The following RPS6KC1 variants were observed in gnomAD, a reference collection of about 807,000 sequenced individuals.
RPS6KC1 encodes inactive ribosomal protein S6 kinase delta-1.
RPS6KC1 carries 54 observed loss-of-function variants against 103.8 expected under a neutral mutation model. The ratio of observed to expected loss-of-function variants is 0.52; its 90% CI spans 0.42 to 0.65. The LOEUF is 0.65. RPS6KC1 is among the 30% of genes least tolerant of loss of function. RPS6KC1 has a pLI of 0.00. For synonymous variants in RPS6KC1, 439 were observed against 438.7 expected (o/e 1.00, Z -0.01); for missense variants, 1,151 against 1,253.8 (o/e 0.92, Z 1.24).
chr1:213,349,602 C>G, the RPS6KC1 span, among the ~76,000 whole-genome samples: 1 of 152,188 alleles, frequency 6.6e-6, no homozygotes, highest in African/African-American at 2.4e-5. Flanking sequence ...GATGGGCAAA[C>G]AGGTCTTGAA....
the RPS6KC1 span, among the ~76,000 whole-genome samples, chr1:213,355,352 C>T: frequency 6.6e-6 from 1 of 152,082 alleles, no homozygotes; most frequent in African/African-American, 2.4e-5. Flanking sequence ...CTGGAAGGGC[C>T]CATTCTTGCT....
intron 6 of RPS6KC1, among the ~76,000 whole-genome samples, chr1:213,151,029 G>C (rs2088714047): frequency 6.7e-6 from 1 of 148,414 alleles, no homozygotes. Context: ...CGGGGCAGCT[G>C]GCCGGGCAGA....
the RPS6KC1 span, among the ~76,000 whole-genome samples, chr1:213,544,725 C>A: frequency 1.3e-5 from 2 of 152,212 alleles, no homozygotes; most frequent in Non-Finnish European, 2.9e-5. Flanking sequence ...TCCTGACCTG[C>A]CACTTCTGCA....
At chr1:213,573,193 C>T in the RPS6KC1 span, among the ~76,000 whole-genome samples, 1 of 152,196 alleles carries the variant, frequency 6.6e-6, no homozygotes, top group South Asian at 2.1e-4. Flanking sequence ...AGAAACAGAC[C>T]TTTCTTTCCC....
At chr1:213,134,159 T>C (rs975436374) in intron 6 of RPS6KC1, among the ~76,000 whole-genome samples, 1 of 152,156 alleles carries the variant, frequency 6.6e-6, no homozygotes, top group Non-Finnish European at 1.5e-5. Flanking sequence ...AATAGCATGC[T>C]AATATGACCC....
At chr1:213,093,533 C>T (rs1162089798) in intron 3 of RPS6KC1, among the ~76,000 whole-genome samples, 2 of 152,062 alleles carry the variant, frequency 1.3e-5, no homozygotes, top group Non-Finnish European at 2.9e-5. Context: ...TTTATAGGTC[C>T]TCTTACATTA....
At chr1:213,079,955 C>T (rs1409683692) in intron 3 of RPS6KC1, among the ~76,000 whole-genome samples, 2 of 131,754 alleles carry the variant, frequency 1.5e-5, no homozygotes, top group African/African-American at 2.9e-5. Flanking sequence ...TCACTCTTGT[C>T]ACCCAGACTG....
At chr1:213,218,625 A>G (rs1425839019) in intron 8 of RPS6KC1, among the ~76,000 whole-genome samples, 3 of 151,984 alleles carry the variant, frequency 2.0e-5, no homozygotes, top group Admixed American at 2.0e-4. Flanking sequence ...AAACTATACT[A>G]CAAGGCTACA....
At chr1:213,465,979 C>T in the RPS6KC1 span, among the ~76,000 whole-genome samples, 1 of 152,078 alleles carries the variant, frequency 6.6e-6, no homozygotes, top group African/African-American at 2.4e-5. Context: ...TCTTTTGCTT[C>T]TCATGGTGAT....
chr1:213,110,923 A>G (rs983052101), intron 4 of RPS6KC1, among the ~76,000 whole-genome samples: 2 of 150,054 alleles, frequency 1.3e-5, no homozygotes, highest in African/African-American at 4.9e-5. Context: ...GATTGCTACT[A>G]TTATTGACAA....
the RPS6KC1 span, among the ~76,000 whole-genome samples, chr1:213,588,191 TC>T: frequency 6.6e-6 from 1 of 151,924 alleles, no homozygotes; most frequent in Non-Finnish European, 1.5e-5. Flanking sequence ...TCCTGCTACC[TC>T]AACCTCCTAG....
chr1:213,283,241 T>C, the RPS6KC1 span, among the ~76,000 whole-genome samples: 1 of 152,122 alleles, frequency 6.6e-6, no homozygotes. Flanking sequence ...AAGCAAAAAT[T>C]AGCTCAAATT....
At chr1:213,419,606 C>T in the RPS6KC1 span, among the ~76,000 whole-genome samples, 17 of 152,186 alleles carry the variant, frequency 1.1e-4, no homozygotes, top group Admixed American at 9.2e-4. Context: ...ATACTGCCCC[C>T]GTCTGTCTCA....
At chr1:213,299,692 T>A in the RPS6KC1 span, among the ~76,000 whole-genome samples, 1 of 152,168 alleles carries the variant, frequency 6.6e-6, no homozygotes, top group African/African-American at 2.4e-5. Flanking sequence ...AAATATGTAA[T>A]GAATAGAAAA....
At chr1:213,702,163 T>G in the RPS6KC1 span, among the ~76,000 whole-genome samples, 1 of 151,992 alleles carries the variant, frequency 6.6e-6, no homozygotes, top group Non-Finnish European at 1.5e-5. Context: ...TTTAATTTTT[T>G]TCATTGACCC....
chr1:213,121,420 G>A (rs1308684355), intron 5 of RPS6KC1, among the ~76,000 whole-genome samples: 3 of 152,074 alleles, frequency 2.0e-5, no homozygotes, highest in Non-Finnish European at 4.4e-5. Flanking sequence ...TGAAATCCTG[G>A]TTACTCTTTA....
the RPS6KC1 span, among the ~76,000 whole-genome samples, chr1:213,762,349 C>A: frequency 6.6e-6 from 1 of 152,172 alleles, no homozygotes; most frequent in Non-Finnish European, 1.5e-5. Flanking sequence ...GCCTTTCTGT[C>A]TTCCGGAGGA....
the RPS6KC1 span, among the ~76,000 whole-genome samples, chr1:213,293,556 C>A: frequency 6.6e-6 from 1 of 152,030 alleles, no homozygotes; most frequent in Non-Finnish European, 1.5e-5. Flanking sequence ...GGCTATTTTT[C>A]TTTTTTCCTT....
chr1:213,852,714 A>G, the RPS6KC1 span, among the ~76,000 whole-genome samples: 1 of 152,332 alleles, frequency 6.6e-6, no homozygotes, highest in African/African-American at 2.4e-5. Flanking sequence ...ACATAATCGT[A>G]GCTCCCAATG....
Sources: gnomAD v4.1 joint callset for allele counts (sites outside exome capture counted in the v4.1 genomes callset) on GRCh38, gnomAD v4.1.1 for gene constraint, MANE v1.5 for transcripts, NCBI Gene and HGNC (gene_info 2026-07-23, HGNC 2026-07-21) for gene names.